Variants in CTNNA2 observed in about 807,000 individuals in gnomAD.
CTNNA2 encodes the protein catenin alpha 2, also known as catenin alpha-2.
CTNNA2 carries 42 observed loss-of-function variants against 101.0 expected under a neutral mutation model. That is an observed-to-expected ratio of 0.42 (90% CI 0.32 to 0.54). CTNNA2 has a LOEUF of 0.54. Ranked by LOEUF, CTNNA2 falls within the 20% of genes least tolerant of loss-of-function variation. The pLI is 0.14. For missense variants in CTNNA2, 871 were observed against 1,223.1 expected, an observed-to-expected ratio of 0.71 and a Z score of 4.29; for synonymous variants, 450 against 456.4, an observed-to-expected ratio of 0.99 and a Z score of 0.18.
At chr2:80,453,022 G>T (rs1574073913) in intron 9 of CTNNA2, among the ~76,000 whole-genome samples, 1 of 152,220 alleles carries the variant, frequency 6.6e-6, no homozygotes, top group East Asian at 1.9e-4. Context: ...GACAGCCTGG[G>T]ACCTCTTTGA....
At chr2:80,377,046 T>G (rs1015035704) in intron 7 of CTNNA2, among the ~76,000 whole-genome samples, 16 of 152,230 alleles carry the variant, frequency 1.1e-4, no homozygotes, top group African/African-American at 3.9e-4. Context: ...ATGACTGGAC[T>G]ATAGAAGTGA....
At chr2:80,416,044 G>A (rs1000706097) in intron 8 of CTNNA2, among the ~76,000 whole-genome samples, 2 of 152,064 alleles carry the variant, frequency 1.3e-5, no homozygotes, top group African/African-American at 4.8e-5. Flanking sequence ...GTGGTTGCTA[G>A]GGGCTGGAGG....
At chr2:79,244,452 CTTGTT>C (rs756289146) in intron 2 of CTNNA2, among the ~76,000 whole-genome samples, 12 of 152,116 alleles carry the variant, frequency 7.9e-5, no homozygotes, top group Non-Finnish European at 1.5e-4. Context: ...TTTTCTGGCT[CTTGTT>C]TTGTTTGGCG....
intron 4 of CTNNA2, among the ~76,000 whole-genome samples, chr2:79,400,316 T>C (rs1678276427): frequency 6.6e-6 from 1 of 151,962 alleles, no homozygotes; most frequent in Non-Finnish European, 1.5e-5. Flanking sequence ...CTATCGTTTT[T>C]AGGAATAGAA....
intron 11 of CTNNA2, among the ~76,000 whole-genome samples, chr2:80,553,322 T>C (rs1243260059): frequency 6.6e-6 from 1 of 152,182 alleles, no homozygotes; most frequent in East Asian, 1.9e-4. Context: ...TGTAACAGAT[T>C]TGCTGATGAT....
intron 2 of CTNNA2, among the ~76,000 whole-genome samples, chr2:79,307,527 T>C (rs562323800): frequency 9.2e-5 from 14 of 152,346 alleles, no homozygotes; most frequent in African/African-American, 3.1e-4. Flanking sequence ...CCTCCAGCAA[T>C]GTCCATGTTG....
At chr2:79,210,880 C>T (rs560224284) in intron 2 of CTNNA2, among the ~76,000 whole-genome samples, 35 of 152,234 alleles carry the variant, frequency 2.3e-4, no homozygotes, top group African/African-American at 8.4e-4. Context: ...TTTCTTCCCT[C>T]CAGTACAAAT....
At chr2:80,051,215 A>C (rs1342518385) in intron 7 of CTNNA2, among the ~76,000 whole-genome samples, 2 of 152,230 alleles carry the variant, frequency 1.3e-5, no homozygotes, top group African/African-American at 2.4e-5. Flanking sequence ...TTATTCCTCT[A>C]GTCATGAGAA....
intron 7 of CTNNA2, among the ~76,000 whole-genome samples, chr2:80,029,071 A>C (rs189289367): frequency 1.8e-4 from 28 of 152,284 alleles, no homozygotes; most frequent in Admixed American, 1.8e-3. Flanking sequence ...GAGTCCAAAC[A>C]ATTGTTGTTA....
chr2:79,292,698 G>A lies in CTNNA2; in HGVS notation c.-405-20011G>A, dbSNP rs528566035. ...AATGGAAACAAACAAAAAAAATAAC[G>A]TTATGAATTTGGGATGGAATTAGAG... On this transcript the variant is annotated intron_variant, in intron 2 of 21. Coordinates refer to the CTNNA2 transcript ENST00000466387. 9.9e-5 allele frequency among the ~76,000 whole-genome samples: 15 copies of A among 152,264 alleles called. No individual in the cohort carries two copies. The East Asian group carries it at 1.5e-3, about 16-fold the overall frequency.
chr2:79,298,062 T>G (rs1035532038), intron 2 of CTNNA2, among the ~76,000 whole-genome samples: 2 of 152,192 alleles, frequency 1.3e-5, no homozygotes, highest in Non-Finnish European at 2.9e-5. Flanking sequence ...CATTTTGCAT[T>G]GCTATAAAGG....
At chr2:80,139,533 C>A (rs147368710) in intron 7 of CTNNA2, among the ~76,000 whole-genome samples, 3 of 152,004 alleles carry the variant, frequency 2.0e-5, no homozygotes, top group Admixed American at 6.6e-5. Flanking sequence ...AGTTTTCACC[C>A]CCTCTTATGT....
At chr2:79,973,003 A>C (rs1690592871) in intron 7 of CTNNA2, among the ~76,000 whole-genome samples, 1 of 152,132 alleles carries the variant, frequency 6.6e-6, no homozygotes, top group Non-Finnish European at 1.5e-5. Flanking sequence ...TTATTTGGGA[A>C]ACTTTCCCAT....
chr2:79,313,134 C>G (rs1433458692), intron 3 of CTNNA2, among the ~76,000 whole-genome samples: 1 of 152,182 alleles, frequency 6.6e-6, no homozygotes, highest in East Asian at 1.9e-4. Flanking sequence ...AGATGTAATA[C>G]TTTATCCCTT....
At chr2:79,411,874 G>A (rs1000990635) in intron 4 of CTNNA2, among the ~76,000 whole-genome samples, 3 of 152,042 alleles carry the variant, frequency 2.0e-5, no homozygotes, top group Admixed American at 6.6e-5. Context: ...CATAATGACA[G>A]AATCAAATTC....
intron 7 of CTNNA2, among the ~76,000 whole-genome samples, chr2:80,250,056 T>C (rs1240783301): frequency 1.3e-5 from 2 of 152,068 alleles, no homozygotes; most frequent in South Asian, 2.1e-4. Flanking sequence ...ATTTGCTTCT[T>C]GTTTCTTTGC....
At chr2:79,600,808 T>C (rs766623995) in intron 1 of CTNNA2, among the ~76,000 whole-genome samples, 1 of 152,192 alleles carries the variant, frequency 6.6e-6, no homozygotes, top group East Asian at 1.9e-4. Flanking sequence ...GGGCACTCTT[T>C]CTGGTTTGTA....
chr2:80,518,341 C>G (rs1689262682), intron 9 of CTNNA2, among the ~76,000 whole-genome samples: 1 of 152,156 alleles, frequency 6.6e-6, no homozygotes, highest in South Asian at 2.1e-4. Flanking sequence ...TCCCCTTCTT[C>G]CTACACCCAC....
At chr2:80,461,984 A>G (rs1684467608) in intron 9 of CTNNA2, among the ~76,000 whole-genome samples, 1 of 152,182 alleles carries the variant, frequency 6.6e-6, no homozygotes, top group African/African-American at 2.4e-5. Context: ...GCAAGACATC[A>G]TTCACTGGGC....
Sources: gnomAD v4.1 joint callset for allele counts (sites outside exome capture counted in the v4.1 genomes callset) on GRCh38, gnomAD v4.1.1 for gene constraint, MANE v1.5 for transcripts, NCBI Gene and HGNC (gene_info 2026-07-23, HGNC 2026-07-21) for gene names.